Variants in CCDC102B observed in about 807,000 individuals in gnomAD.
CCDC102B encodes coiled-coil domain containing 102B.
Under a neutral mutation model 57.4 loss-of-function variants are expected in CCDC102B, and 75 were observed. The ratio of observed to expected loss-of-function variants is 1.31; its 90% CI spans 1.08 to 1.58. The LOEUF (loss-of-function observed/expected upper bound fraction) is 1.58. Among genes scored for constraint, CCDC102B ranks in the 40% most tolerant of loss-of-function variants. The probability of loss-of-function intolerance (pLI) is 0.00; values close to 1 mark genes in which losing one functional copy is unlikely to be tolerated. For synonymous variants in CCDC102B, 206 were observed against 201.9 expected, an observed-to-expected ratio of 1.02 and a Z score of -0.17; for missense variants, 636 against 582.6, an observed-to-expected ratio of 1.09 and a Z score of -0.94.
chr18:68,882,941 A>G (rs1333282861), intron 5 of CCDC102B, among the ~76,000 whole-genome samples: 7 of 152,214 alleles, frequency 4.6e-5, no homozygotes, highest in South Asian at 2.1e-4. Flanking sequence ...AATGATAAGA[A>G]CACATGGACA....
In CCDC102B at chr18:69,054,340, G is replaced by A; in HGVS notation, c.*203G>A. On this transcript the variant is annotated 3_prime_UTR_variant, in exon 8 of 8. Coordinates refer to ENST00000360242, the MANE Select transcript of CCDC102B (RefSeq NM_024781.3). The stretch of plus-strand genomic sequence containing the variant: ...ATATTCTCAAAAAGACAATTTAAAT[G>A]TCATTTAAAAACAACTTTAATTCTA... The A allele has an allele frequency of 8.2e-7, 1 of 1,217,002 alleles. No individual in the cohort carries two copies. The highest frequency in any genetic ancestry group is 1.0e-6 in the Non-Finnish European group (1 of 977,944). The allele number at this position is 1,217,002 out of a possible 1,614,324, so 75.4% of individuals were successfully genotyped here. A position where few individuals can be genotyped will look rare whatever the true frequency, so the allele number is the denominator to read the frequency against.
rs139078047 is a variant in CCDC102B at position 68,949,265 on chromosome 18, A to T, written c.1263+51837A>T. Among the ~76,000 whole-genome samples the T allele has an allele frequency of 1.6e-3, 247 of 152,232 alleles. 3 individuals carry two copies. The highest frequency in any genetic ancestry group is 5.7e-3 in the African/African-American group (237 of 41,568). ...TGTATCCTTCAATCCAATCAAGTTG[A>T]CACTCAATATTAACCATCACAGCTG... On this transcript the variant is annotated intron_variant, in intron 6 of 7. Coordinates refer to ENST00000360242, the MANE Select transcript of CCDC102B (RefSeq NM_024781.3).
intron 2 of CCDC102B, among the ~76,000 whole-genome samples, chr18:68,736,040 A>T (rs1312974969): frequency 2.6e-5 from 4 of 152,218 alleles, no homozygotes; most frequent in Non-Finnish European, 5.9e-5. Context: ...TTTGCTAACA[A>T]TTATCATATG....
rs1267390648 is a variant in CCDC102B at position 69,029,904 on chromosome 18, T to G, written c.1434+18800T>G. Among the ~76,000 whole-genome samples the G allele has an allele frequency of 2.6e-5, 4 of 152,236 alleles. No individual in the cohort carries two copies. The East Asian group carries it at 7.7e-4, about 29-fold the overall frequency. On this transcript the variant is annotated intron_variant, in intron 7 of 7. Coordinates refer to ENST00000360242, the MANE Select transcript of CCDC102B (RefSeq NM_024781.3). ...AATTGGGATTCTGTTTTAAGGCATG[T>G]GCTTTAAATAGCAGTTATCTGTCTA...
chr18:68,997,244 A>T (rs897957078), intron 6 of CCDC102B, among the ~76,000 whole-genome samples: 2 of 152,196 alleles, frequency 1.3e-5, no homozygotes, highest in African/African-American at 4.8e-5. Context: ...AAATGGACTA[A>T]CACACCCACA....
At chr18:68,852,015 C>A (rs950840190) in intron 4 of CCDC102B, among the ~76,000 whole-genome samples, 2 of 152,088 alleles carry the variant, frequency 1.3e-5, no homozygotes, top group Non-Finnish European at 2.9e-5. Context: ...TCCTTAAAGA[C>A]CCTCCTCTTA....
chr18:68,962,919 A>G (rs1425980398), intron 6 of CCDC102B, among the ~76,000 whole-genome samples: 1 of 151,920 alleles, frequency 6.6e-6, no homozygotes, highest in Non-Finnish European at 1.5e-5. Context: ...TTCCAATTAC[A>G]CTTAGGGAAT....
intron 4 of CCDC102B, among the ~76,000 whole-genome samples, chr18:68,861,456 A>G (rs1353240581): frequency 1.3e-5 from 2 of 152,144 alleles, no homozygotes; most frequent in East Asian, 3.9e-4. Flanking sequence ...GTACTATTCC[A>G]CTACCTGGAA....
chr18:68,765,353 GAA>G (rs1250958129), intron 2 of CCDC102B, among the ~76,000 whole-genome samples: 2 of 119,458 alleles, frequency 1.7e-5, no homozygotes, highest in African/African-American at 6.3e-5. Context: ...AAGAAAGAAA[GAA>G]AGAAAGAAAG....
intron 6 of CCDC102B, among the ~76,000 whole-genome samples, chr18:68,931,166 G>A (rs2041660634): frequency 6.6e-6 from 1 of 151,506 alleles, no homozygotes; most frequent in African/African-American, 2.4e-5. Flanking sequence ...TCTGTAAGTC[G>A]CATTGTATTG....
At chr18:68,899,197 G>A (rs979508614) in intron 6 of CCDC102B, among the ~76,000 whole-genome samples, 1 of 151,838 alleles carries the variant, frequency 6.6e-6, no homozygotes, top group Admixed American at 6.6e-5. Flanking sequence ...ATTTTGGAAC[G>A]GTAGCAAGCC....
intron 6 of CCDC102B, among the ~76,000 whole-genome samples, chr18:68,897,994 G>T (rs1052987720): frequency 6.6e-6 from 1 of 151,970 alleles, no homozygotes. Flanking sequence ...ATTTAAATTT[G>T]GGAAATTTAA....
At chr18:68,854,779 G>C (rs146000744) in intron 4 of CCDC102B, among the ~76,000 whole-genome samples, 7 of 152,134 alleles carry the variant, frequency 4.6e-5, no homozygotes, top group Non-Finnish European at 7.4e-5. Context: ...AGGCTTAATG[G>C]GAGTAGATAA....
chr18:69,057,037 A>T (rs1599915877), downstream of CCDC102B, among the ~76,000 whole-genome samples: 2 of 152,076 alleles, frequency 1.3e-5, no homozygotes, highest in South Asian at 2.1e-4. Flanking sequence ...AGGTTTATTC[A>T]TGTTGCATGT....
intron 1 of CCDC102B, chr18:68,823,314 A>C (rs1292800176): frequency 1.3e-5 from 2 of 152,160 alleles, no homozygotes; most frequent in Non-Finnish European, 2.9e-5. Flanking sequence ...TGCTTCAGTA[A>C]ATCTGTGCTT....
At chr18:68,874,434 T>C (rs2039362992) in intron 4 of CCDC102B, among the ~76,000 whole-genome samples, 1 of 150,378 alleles carries the variant, frequency 6.6e-6, no homozygotes, top group South Asian at 2.1e-4. Flanking sequence ...TTTCAACTGA[T>C]AAATTGGGAT....
intron 6 of CCDC102B, among the ~76,000 whole-genome samples, chr18:68,968,826 C>CATA (rs2050226729): frequency 6.6e-6 from 1 of 152,072 alleles, no homozygotes; most frequent in African/African-American, 2.4e-5. Context: ...TTTTACTTAG[C>CATA]ATAATGTCTT....
intron 6 of CCDC102B, among the ~76,000 whole-genome samples, chr18:68,980,388 T>C (rs1196582172): frequency 6.8e-6 from 1 of 147,304 alleles, no homozygotes; most frequent in East Asian, 2.0e-4. Context: ...CTATTCTAGG[T>C]CTTGGTGAAA....
chr18:68,899,944 T>A (rs2040382120), intron 6 of CCDC102B: 1 of 152,194 alleles, frequency 6.6e-6, no homozygotes, highest in Non-Finnish European at 1.5e-5. Flanking sequence ...TTTTATATAC[T>A]ATGTTTAAGG....
Sources: gnomAD v4.1 joint callset for allele counts (sites outside exome capture counted in the v4.1 genomes callset) on GRCh38, gnomAD v4.1.1 for gene constraint, MANE v1.5 for transcripts, NCBI Gene and HGNC (gene_info 2026-07-23, HGNC 2026-07-21) for gene names.